GRAMD1C: variants seen among roughly 807,000 people sequenced by gnomAD.
GRAMD1C encodes the protein protein Aster-C.
GRAMD1C carries 89 observed loss-of-function variants against 97.8 expected under a neutral mutation model. The observed-to-expected ratio is 0.91, with a 90% CI of 0.77 to 1.09. The LOEUF (loss-of-function observed/expected upper bound fraction) is 1.09, where lower values mean the gene tolerates loss of function less well. Ranked by LOEUF, GRAMD1C falls within the 50% of genes least tolerant of loss-of-function variation. The pLI is 0.00. For synonymous variants in GRAMD1C, 256 were observed against 267.0 expected (o/e 0.96, Z 0.40); for missense variants, 740 against 766.4 (o/e 0.97, Z 0.41).
At chr3:113,911,210 G>C (rs1936562809) in intron 9 of GRAMD1C, among the ~76,000 whole-genome samples, 1 of 105,872 alleles carries the variant, frequency 9.4e-6, no homozygotes, top group Non-Finnish European at 2.2e-5. Context: ...GAGAGAGAGA[G>C]CATACATGAG....
chr3:113,877,943 T>C (rs1345325738), intron 5 of GRAMD1C, among the ~76,000 whole-genome samples: 1 of 151,996 alleles, frequency 6.6e-6, no homozygotes, highest in African/African-American at 2.4e-5. Context: ...ATGCCCAGCT[T>C]ATCTTTTTGT....
chr3:113,880,430 A>G (rs2107395893), intron 5 of GRAMD1C, among the ~76,000 whole-genome samples: 1 of 152,266 alleles, frequency 6.6e-6, no homozygotes, highest in East Asian at 1.9e-4. Flanking sequence ...TTTTAAAAAA[A>G]CAACATTATC....
rs1385055374 is a variant in GRAMD1C at position 113,901,717 on chromosome 3, A to G, written c.656+571A>G. ...ATTTTTGACTGATGAGGATTCATTT[A>G]GAAGAGTGGACATTTTTATTAACCT... is the stretch of plus-strand genomic sequence containing the variant. On this transcript the variant is annotated intron_variant, in intron 7 of 17. Coordinates refer to ENST00000358160, the MANE Select transcript of GRAMD1C (RefSeq NM_017577.5). Among the ~76,000 whole-genome samples the G allele has an allele frequency of 2.0e-5, 3 of 152,234 alleles. No individual in the cohort carries two copies. In the South Asian group the frequency reaches 6.2e-4, roughly 32 times the overall value.
rs1577110559 is a variant in GRAMD1C at position 113,838,885 on chromosome 3, T to C, written c.-25T>C. ...GTGCGGTGCGGTGCGCGCGGGGCGGTGCCGCGGCGGCGGAGGGAGCCGCGA... is the reference window on the plus strand; with the variant it reads ...GTGCGGTGCGGTGCGCGCGGGGCGGCGCCGCGGCGGCGGAGGGAGCCGCGA... On this transcript the variant is annotated 5_prime_UTR_variant, in exon 1 of 18. Transcript: ENST00000358160. 3.3e-6 allele frequency: 4 copies of C among 1,230,742 alleles called. No homozygotes were observed. In the East Asian group the frequency reaches 1.3e-4, roughly 39 times the overall value. The allele number at this position is 1,230,742 out of a possible 1,614,324, so 76.2% of individuals were successfully genotyped here.
At chr3:113,908,764 G>T (rs114835441) in intron 8 of GRAMD1C, among the ~76,000 whole-genome samples, 194 bp from the exon 9 acceptor site, 1 of 152,226 alleles carries the variant, frequency 6.6e-6, no homozygotes, top group Non-Finnish European at 1.5e-5. Context: ...CTTTAGAATG[G>T]TATATATTAT....
intron 9 of GRAMD1C, among the ~76,000 whole-genome samples, chr3:113,913,457 C>T (rs1300601036): frequency 6.9e-6 from 1 of 145,684 alleles, no homozygotes; most frequent in Non-Finnish European, 1.5e-5. Flanking sequence ...AAAAAGAATC[C>T]TATAAAAGAA....
At chr3:113,891,332 A>C (rs936258062) in intron 6 of GRAMD1C, among the ~76,000 whole-genome samples, 20 of 152,158 alleles carry the variant, frequency 1.3e-4, no homozygotes, top group African/African-American at 4.8e-4. Flanking sequence ...CAATGATAGC[A>C]ACTCCCATTT....
chr3:113,924,338 T>G lies in GRAMD1C; in HGVS notation c.1091-6376T>G, dbSNP rs374219299. On this transcript the variant is annotated intron_variant, in intron 10 of 17. Coordinates refer to ENST00000358160, the MANE Select transcript of GRAMD1C (RefSeq NM_017577.5). Reference sequence around the variant, plus strand: ...AGCTTTGGGGTTGATTTGCTCTTGTTTTTCTAGTTCCTCTAGGTGTGATGT... The same window carrying G: ...AGCTTTGGGGTTGATTTGCTCTTGTGTTTCTAGTTCCTCTAGGTGTGATGT... Among the ~76,000 whole-genome samples the G allele has an allele frequency of 2.5e-4, 38 of 152,302 alleles. 2 individuals are homozygous for G. The South Asian group carries it at 7.3e-3, about 29-fold the overall frequency.
chr3:113,883,787 C>T (rs1935350445), intron 6 of GRAMD1C, among the ~76,000 whole-genome samples: 4 of 151,960 alleles, frequency 2.6e-5, no homozygotes, highest in East Asian at 1.9e-4. Flanking sequence ...ATATAGACCT[C>T]GTACAGAGGC....
intron 6 of GRAMD1C, chr3:113,885,297 G>C: frequency 2.0e-6 from 3 of 1,529,024 alleles, no homozygotes; most frequent in Non-Finnish European, 2.7e-6. Context: ...GGGTCATCCG[G>C]ATGGTGCGGA....
chr3:113,897,589 A>C, intron 6 of GRAMD1C: 1 of 981,488 alleles, frequency 1.0e-6, no homozygotes, highest in Middle Eastern at 5.2e-4. Flanking sequence ...AAAGCTTCTC[A>C]TAGCAAAACT....
At chr3:113,913,429 CAAAA>C (rs765510213) in intron 9 of GRAMD1C, among the ~76,000 whole-genome samples, 1 of 68,298 alleles carries the variant, frequency 1.5e-5, no homozygotes, top group Non-Finnish European at 2.8e-5. Context: ...ACTCTGTCTC[CAAAA>C]AAAAAAAAAA....
upstream of GRAMD1C, among the ~76,000 whole-genome samples, chr3:113,836,166 A>G (rs1255263864): frequency 2.0e-5 from 3 of 152,166 alleles, no homozygotes; most frequent in Admixed American, 1.3e-4. Flanking sequence ...CAGGAGGCTG[A>G]GGCAGGAGAA....
intron 6 of GRAMD1C, among the ~76,000 whole-genome samples, chr3:113,893,467 C>T (rs1447046175): frequency 3.3e-5 from 5 of 152,086 alleles, no homozygotes; most frequent in African/African-American, 1.2e-4. Context: ...CATTAATAAA[C>T]CTGAAGTCAG....
chr3:113,907,865 A>G (rs1298178277), intron 8 of GRAMD1C, among the ~76,000 whole-genome samples: 1 of 152,154 alleles, frequency 6.6e-6, no homozygotes, highest in Non-Finnish European at 1.5e-5. Flanking sequence ...CTGTAGAGAA[A>G]TGTACTCTAC....
chr3:113,919,512 C>G lies in GRAMD1C; in HGVS notation c.1090+3674C>G, dbSNP rs192304108. 708 of 541,808 alleles carry G rather than the reference C, an allele frequency of 1.3e-3. 8 individuals are homozygous for G. In the Admixed American group the frequency reaches 0.014, roughly 11 times the overall value. The allele number at this position is 541,808 out of a possible 1,614,324, so 33.6% of individuals were successfully genotyped here. ...AACCTAATGAAAGAACTAGCCTTAC[C>G]TGGAGAACTGACTCAGAGAAGAAGT... On this transcript the variant is annotated intron_variant, in intron 10 of 17. Coordinates refer to ENST00000358160, the MANE Select transcript of GRAMD1C (RefSeq NM_017577.5).
chr3:113,882,844 T>C lies in GRAMD1C; in HGVS notation c.540+12T>C. ...TATTATTAGATAAGGTAAGTGTTCA[T>C]ACCAGAGGCAGTTGCTTATTATAAG... is the stretch of plus-strand genomic sequence containing the variant. On this transcript the variant is annotated intron_variant, in intron 6 of 17. Coordinates refer to ENST00000358160, the MANE Select transcript of GRAMD1C (RefSeq NM_017577.5). 7.5e-7 allele frequency: 1 copy of C among 1,339,206 alleles called. No individual in the cohort carries two copies. The highest frequency in any genetic ancestry group is 1.1e-6 in the Non-Finnish European group (1 of 936,146). 83.0% of individuals were successfully genotyped at this position (1,339,206 alleles called of 1,614,324 possible). A position where few individuals can be genotyped will look rare whatever the true frequency, so the allele number is the denominator to read the frequency against.
chr3:113,841,986 A>G (rs1933346675), intron 1 of GRAMD1C, among the ~76,000 whole-genome samples: 1 of 152,206 alleles, frequency 6.6e-6, no homozygotes, highest in South Asian at 2.1e-4. Flanking sequence ...GTGTGAGCCA[A>G]CATACCCAGC....
At chr3:113,886,543 T>C (rs1335253572) in intron 6 of GRAMD1C, among the ~76,000 whole-genome samples, 1 of 152,080 alleles carries the variant, frequency 6.6e-6, no homozygotes, top group Non-Finnish European at 1.5e-5. Context: ...TCTATTTTTC[T>C]CTCCTTAGAC....
Sources: allele counts gnomAD v4.1 joint callset (sites outside exome capture counted in the v4.1 genomes callset), GRCh38; gene constraint gnomAD v4.1.1; transcripts MANE v1.5; gene names NCBI Gene and HGNC (gene_info 2026-07-23, HGNC 2026-07-21).